The following GPHN variants were observed in gnomAD, a reference collection of about 807,000 sequenced individuals.
GPHN encodes gephyrin.
Under a neutral mutation model 95.5 loss-of-function variants are expected in GPHN, and 17 were observed. That is an observed-to-expected ratio of 0.18 (90% CI 0.12 to 0.27). The LOEUF is 0.27. Among genes scored for constraint, GPHN ranks in the 10% least tolerant of loss-of-function variants. The pLI is 1.00. For synonymous variants in GPHN, 320 were observed against 322.5 expected, an observed-to-expected ratio of 0.99 and a Z score of 0.08; for missense variants, 660 against 978.1, an observed-to-expected ratio of 0.67 and a Z score of 4.34.
At chr14:66,552,078 A>C (rs1566589945) in intron 1 of GPHN, among the ~76,000 whole-genome samples, 1 of 152,198 alleles carries the variant, frequency 6.6e-6, no homozygotes, top group South Asian at 2.1e-4. Context: ...AAAATCATGA[A>C]GTCATCTTAG....
the GPHN span, among the ~76,000 whole-genome samples, chr14:67,731,058 C>T: frequency 6.6e-6 from 1 of 152,090 alleles, no homozygotes; most frequent in African/African-American, 2.4e-5. Context: ...AAATAAAGTA[C>T]ATATTTATTA....
chr14:67,459,204 A>T, the GPHN span, among the ~76,000 whole-genome samples: 12 of 151,724 alleles, frequency 7.9e-5, no homozygotes, highest in Non-Finnish European at 1.3e-4. Flanking sequence ...CTAATTTTTT[A>T]AATTTTTTTT....
At chr14:66,730,695 GATATACAAATC>G (rs1241846417) in intron 2 of GPHN, among the ~76,000 whole-genome samples, 1 of 152,180 alleles carries the variant, frequency 6.6e-6, no homozygotes, top group East Asian at 1.9e-4. Flanking sequence ...TACTGATTCA[GATATACAAATC>G]ATAATACTTA....
chr14:66,547,936 A>G (rs989576140), intron 1 of GPHN, among the ~76,000 whole-genome samples: 7 of 152,236 alleles, frequency 4.6e-5, no homozygotes, highest in Admixed American at 6.5e-5. Context: ...ATAGGATAGC[A>G]AGTAATAATA....
intron 8 of GPHN, among the ~76,000 whole-genome samples, chr14:66,951,081 T>C (rs543388984): frequency 6.6e-6 from 1 of 151,960 alleles, no homozygotes; most frequent in African/African-American, 2.4e-5. Context: ...CCTGCCACCA[T>C]GCCCAGCTAA....
chr14:66,743,420 G>T (rs762676754), intron 2 of GPHN, among the ~76,000 whole-genome samples: 4 of 152,096 alleles, frequency 2.6e-5, no homozygotes, highest in Non-Finnish European at 2.9e-5. Flanking sequence ...AACTGGTGTT[G>T]TTGCCTGTTG....
intron 2 of GPHN, among the ~76,000 whole-genome samples, chr14:66,739,444 C>T (rs561230009): frequency 4.0e-5 from 6 of 150,760 alleles, no homozygotes; most frequent in Non-Finnish European, 8.8e-5. Context: ...TCTCGATCTC[C>T]TGACCTCGTG....
chr14:66,797,021 C>CTTTTTTTT lies in GPHN; in HGVS notation c.201+20514_201+20521dup, dbSNP rs369681377. ...ATGGTGAGACATAGGTATCTAGTTCCTTTTTTTTTTTTTTTTTTTTTGCAT... is the reference window on the plus strand; with the variant it reads ...ATGGTGAGACATAGGTATCTAGTTCCTTTTTTTTTTTTTTTTTTTTTTTTTTTTTGCAT... On this transcript the variant is annotated intron_variant, in intron 3 of 22. Transcript: ENST00000478722. Among the ~76,000 whole-genome samples the CTTTTTTTT allele has an allele frequency of 2.6e-4, 21 of 81,208 alleles. 1 individual carries two copies. The highest frequency in any genetic ancestry group is 3.7e-4 in the South Asian group (1 of 2,670). The allele number at this position is 81,208 out of a possible 152,430, so 53.3% of individuals were successfully genotyped here.
intron 11 of GPHN, among the ~76,000 whole-genome samples, chr14:67,088,149 T>G (rs921939298): frequency 6.6e-6 from 1 of 152,156 alleles, no homozygotes; most frequent in Non-Finnish European, 1.5e-5. Context: ...GACTGGGATA[T>G]TCCTTCCTTT....
the GPHN span, among the ~76,000 whole-genome samples, chr14:67,437,657 G>A: frequency 9.2e-5 from 14 of 152,222 alleles, no homozygotes; most frequent in African/African-American, 2.9e-4. Context: ...GCTGGAGGAG[G>A]GGGGAGAGAG....
the GPHN span, chr14:67,570,899 T>C: frequency 6.6e-6 from 1 of 152,138 alleles, no homozygotes; most frequent in Non-Finnish European, 1.5e-5. Flanking sequence ...AATTTTTGTA[T>C]TTTTAGTAGA....
intron 8 of GPHN, among the ~76,000 whole-genome samples, chr14:66,946,652 C>G (rs1343183060): frequency 6.6e-6 from 1 of 152,138 alleles, no homozygotes; most frequent in East Asian, 1.9e-4. Flanking sequence ...ATCTGACCAC[C>G]TGGGCCTCCC....
the GPHN span, among the ~76,000 whole-genome samples, chr14:67,529,077 C>T: frequency 1.6e-4 from 24 of 152,110 alleles, no homozygotes; most frequent in African/African-American, 5.3e-4. Context: ...CTTCAAGTTC[C>T]CTCCTCATTT....
chr14:67,412,108 T>C, the GPHN span: 1 of 1,461,098 alleles, frequency 6.8e-7, no homozygotes, highest in Non-Finnish European at 9.0e-7. Flanking sequence ...TCCCCGCGCC[T>C]CGCGCTCCTC....
At chr14:67,168,156 T>G (rs1020582508) in intron 20 of GPHN, among the ~76,000 whole-genome samples, 3 of 152,234 alleles carry the variant, frequency 2.0e-5, no homozygotes, top group Non-Finnish European at 4.4e-5. Flanking sequence ...AAGGTTGGCT[T>G]CTGGTGAGGC....
the GPHN span, among the ~76,000 whole-genome samples, chr14:67,700,517 C>T: frequency 6.7e-6 from 1 of 148,970 alleles, no homozygotes; most frequent in African/African-American, 2.5e-5. Flanking sequence ...AGATCGAGAC[C>T]ATCCTGGCTA....
At chr14:67,632,528 A>G in the GPHN span, among the ~76,000 whole-genome samples, 2 of 152,100 alleles carry the variant, frequency 1.3e-5, no homozygotes, top group African/African-American at 4.8e-5. Context: ...GGTTTTGCAA[A>G]TTGGAGCAAG....
At chr14:67,206,922 G>A in the GPHN span, among the ~76,000 whole-genome samples, 4 of 151,906 alleles carry the variant, frequency 2.6e-5, no homozygotes, top group Non-Finnish European at 5.9e-5. Flanking sequence ...TAGAGATGGG[G>A]TTTCTCCATG....
intron 20 of GPHN, 86 bp downstream of exon 20, chr14:67,165,312 A>G: frequency 1.2e-6 from 1 of 822,648 alleles, no homozygotes; most frequent in Non-Finnish European, 2.1e-6. Context: ...CTGGTTTGAA[A>G]TCTGAAAGAC....
Sources: allele counts gnomAD v4.1 joint callset (sites outside exome capture counted in the v4.1 genomes callset), GRCh38; gene constraint gnomAD v4.1.1; transcripts MANE v1.5; gene names NCBI Gene and HGNC (gene_info 2026-07-23, HGNC 2026-07-21).